Variants in ARIH2 observed in about 807,000 individuals in gnomAD.
ARIH2 encodes ariadne RBR E3 ubiquitin protein ligase 2.
ARIH2 carries 12 observed loss-of-function variants against 79.8 expected under a neutral mutation model. That is an observed-to-expected ratio of 0.15 (90% CI 0.10 to 0.24). The LOEUF (loss-of-function observed/expected upper bound fraction) is 0.24, where lower values mean the gene tolerates loss of function less well. Ranked by LOEUF, ARIH2 falls within the 10% of genes least tolerant of loss-of-function variation. ARIH2 has a pLI of 1.00. For synonymous variants in ARIH2, 224 were observed against 213.9 expected (o/e 1.05, Z -0.41); for missense variants, 301 against 618.3 (o/e 0.49, Z 5.44).
In ARIH2 at chr3:48,984,656, C is replaced by T. The variant is rs1235868003; in HGVS notation, c.*1386C>T. 1 of 152,172 alleles carries T rather than the reference C, an allele frequency of 6.6e-6. No homozygotes were observed. Among genetic ancestry groups the T allele is most frequent in the Non-Finnish European group, 1.5e-5 (1 of 68,054 alleles). 9.4% of individuals were successfully genotyped at this position (152,172 alleles called of 1,614,324 possible). A position where few individuals can be genotyped will look rare whatever the true frequency, so the allele number is the denominator to read the frequency against. On this transcript the variant is annotated 3_prime_UTR_variant, in exon 16 of 16. Transcript: ENST00000356401. Reference sequence around the variant, plus strand: ...GTTTTTGTGGCTTTGTTCAATGCTTCCACTCTAGGGCAGGCAGAGCAGTCT... The same window carrying T: ...GTTTTTGTGGCTTTGTTCAATGCTTTCACTCTAGGGCAGGCAGAGCAGTCT...
intron 7 of ARIH2, among the ~76,000 whole-genome samples, 184 bp downstream of exon 7, chr3:48,968,839 T>G (rs1559832468): frequency 6.6e-6 from 1 of 152,208 alleles, no homozygotes; most frequent in African/African-American, 2.4e-5. Context: ...GGCCTTAGAA[T>G]CAGACACACC....
At chr3:48,971,391 T>A (rs976799096) in intron 8 of ARIH2, among the ~76,000 whole-genome samples, 1 of 152,132 alleles carries the variant, frequency 6.6e-6, no homozygotes, top group Non-Finnish European at 1.5e-5. Flanking sequence ...ACTACAGGCA[T>A]GTGCCACCAT....
rs1329577081 is a variant in ARIH2 at position 48,984,206 on chromosome 3, C to G, written c.*936C>G. 6.6e-6 allele frequency: 1 copy of G among 152,648 alleles called. No homozygotes were observed. The highest frequency in any genetic ancestry group is 2.4e-5 in the African/African-American group (1 of 41,436). The allele number at this position is 152,648 out of a possible 1,614,324, so 9.5% of individuals were successfully genotyped here. A position where few individuals can be genotyped will look rare whatever the true frequency, so the allele number is the denominator to read the frequency against. On this transcript the variant is annotated 3_prime_UTR_variant, in exon 16 of 16. Transcript: ENST00000356401. ...TTGTGCCAGTATTCAAGTGGTATAG[C>G]TCTGAGCAGGGTCACATTTGGCCAA...
In ARIH2 at chr3:48,974,986, T is replaced by C; in HGVS notation, c.961+7T>C. Reference sequence around the variant, plus strand: ...TGCTCCAAATGTAAACACGGTGAGTTCCAAGCTTGGTGTGTAAGGCCCAGT... The same window carrying C: ...TGCTCCAAATGTAAACACGGTGAGTCCCAAGCTTGGTGTGTAAGGCCCAGT... On this transcript the variant is annotated splice_region_variant and intron_variant, in intron 11 of 15. Coordinates refer to ENST00000356401, the MANE Select transcript of ARIH2 (RefSeq NM_006321.4). 6.2e-7 allele frequency: 1 copy of C among 1,614,228 alleles called. No homozygotes were observed.
rs780747982 is a variant in ARIH2 at position 48,967,236 on chromosome 3, C to A, written c.499C>A (p.Gln167Lys). The A allele has an allele frequency of 1.2e-6, 2 of 1,614,102 alleles. No individual in the cohort carries two copies. ...QHQFCRSCWE[Q>K]HCSVLVKDGV... ...CCAGTTTTGCCGCAGCTGCTGGGAG[C>A]AGCACTGCTCAGTTCTCGTCAAGGA... The change falls in exon 6 of 16, where the codon CAG becomes AAG. Residue 167 changes from glutamine (Q) to lysine (K), a missense_variant. Physicochemically the swap from Gln to Lys is moderately conservative, Grantham distance 53. Around this residue, in one of 2 missense-constraint regions of ARIH2, gnomAD observed 223 missense variants for 349.4 expected, o/e 0.64. Transcript: ENST00000356401.
chr3:48,981,472 GTTGT>G (rs1476427259), intron 13 of ARIH2, among the ~76,000 whole-genome samples, 184 bp from the exon 14 acceptor site: 1 of 152,110 alleles, frequency 6.6e-6, no homozygotes, highest in Non-Finnish European at 1.5e-5. Flanking sequence ...TGTGACCATC[GTTGT>G]TTGTTTTTTC....
At chr3:48,962,129 C>T (rs572838181) in intron 4 of ARIH2, among the ~76,000 whole-genome samples, 1 of 152,170 alleles carries the variant, frequency 6.6e-6, no homozygotes, top group Admixed American at 6.5e-5. Context: ...GTAATCTCAG[C>T]ACTTTGGGAG....
At chr3:48,943,623 T>C (rs1221312660) in intron 3 of ARIH2, 2 of 152,208 alleles carry the variant, frequency 1.3e-5, no homozygotes, top group African/African-American at 2.4e-5. Flanking sequence ...CCTGTTTATA[T>C]AGTTTTATAT....
intron 3 of ARIH2, chr3:48,943,275 T>G (rs953018640): frequency 4.6e-5 from 7 of 152,176 alleles, no homozygotes; most frequent in African/African-American, 1.7e-4. Flanking sequence ...TATACTTGAT[T>G]TTAACCTCCT....
chr3:48,927,755 A>G lies in ARIH2; in HGVS notation c.197A>G (p.Tyr66Cys), dbSNP rs772714830. The G allele has an allele frequency of 3.7e-6, 6 of 1,614,226 alleles. No homozygotes were observed. The highest frequency in any genetic ancestry group is 5.1e-6 in the Non-Finnish European group (6 of 1,180,040). Residue 66 changes from tyrosine (Y) to cysteine (C), a missense_variant, in exon 3 of 16, where the codon TAC becomes TGC. Physicochemically the swap from Tyr to Cys is radical, Grantham distance 194. Transcript: ENST00000356401. ...GAGTACCAGTTCACTTGCTTGACCTACAAGGAATCTGAGGGTGCCCTCAAT... is the reference window on the plus strand; with the variant it reads ...GAGTACCAGTTCACTTGCTTGACCTGCAAGGAATCTGAGGGTGCCCTCAAT... ...PEEYQFTCLT[Y>C]KESEGALNEH...
chr3:48,933,883 T>G (rs1389944678), intron 3 of ARIH2, among the ~76,000 whole-genome samples: 1 of 152,172 alleles, frequency 6.6e-6, no homozygotes, highest in Non-Finnish European at 1.5e-5. Context: ...GTTCCCCAGA[T>G]AGGATTGGAG....
rs2092423452 is a variant in ARIH2, at chr3:48,974,963, C to T, written c.945C>T (p.Cys315=). Residue 315 remains cysteine (C), a synonymous_variant, in exon 11 of 16, where the codon TGC becomes TGT. Transcript: ENST00000356401. ...EKNGGCNHMQ[C]SKCKHDFCWM... is the part of the protein sequence containing the mutation. ...CTTCTGTTTCCCTCTGACAGCAATG[C>T]TCCAAATGTAAACACGGTGAGTTCC... The T allele has an allele frequency of 4.3e-6, 7 of 1,614,232 alleles. No individual in the cohort carries two copies. In the East Asian group the frequency reaches 6.7e-5, roughly 15 times the overall value.
intron 6 of ARIH2, among the ~76,000 whole-genome samples, chr3:48,967,894 C>G (rs1173876481): frequency 6.6e-6 from 1 of 152,180 alleles, no homozygotes; most frequent in Non-Finnish European, 1.5e-5. Flanking sequence ...ATGCTAATTT[C>G]TCTCTTCTCT....
intron 3 of ARIH2, among the ~76,000 whole-genome samples, chr3:48,952,678 T>C (rs2090109703): frequency 6.6e-6 from 1 of 151,912 alleles, no homozygotes; most frequent in African/African-American, 2.4e-5. Context: ...CAGTCCTACC[T>C]TGAGAGGAGT....
intron 13 of ARIH2, among the ~76,000 whole-genome samples, chr3:48,981,087 C>T (rs1398323977): frequency 1.4e-5 from 2 of 144,550 alleles, no homozygotes; most frequent in African/African-American, 5.2e-5. Context: ...CCCAGCACTT[C>T]GGAAGGCCAA....
chr3:48,923,273 T>C (rs2085079332), intron 2 of ARIH2, among the ~76,000 whole-genome samples: 1 of 151,552 alleles, frequency 6.6e-6, no homozygotes, highest in African/African-American at 2.4e-5. Flanking sequence ...TTGTGGCATG[T>C]GCTTGTAATC....
rs2092353498 is a variant in ARIH2, at chr3:48,973,536, C to CACTACACTCCA, written c.771-162_771-152dup. The CACTACACTCCA allele has an allele frequency of 7.8e-6, 4 of 511,604 alleles. No individual in the cohort carries two copies. In the South Asian group the frequency reaches 8.7e-5, roughly 11 times the overall value. The allele number at this position is 511,604 out of a possible 1,614,324, so 31.7% of individuals were successfully genotyped here. On this transcript the variant is annotated intron_variant, in intron 8 of 15. Transcript: ENST00000356401. ...AGCTTGCAGTGAACCGAGATCACGC[C>CACTACACTCCA]ACTACACTCCAGCCTGGCGACAGAG...
chr3:48,965,931 C>T (rs2091754019), intron 5 of ARIH2, among the ~76,000 whole-genome samples: 3 of 150,804 alleles, frequency 2.0e-5, no homozygotes, highest in South Asian at 2.1e-4. Context: ...CCTGCATGCA[C>T]TCCAGCCTGG....
intron 3 of ARIH2, 96 bp downstream of exon 3, chr3:48,927,909 C>G: frequency 6.8e-7 from 1 of 1,467,954 alleles, no homozygotes; most frequent in Non-Finnish European, 9.2e-7. Flanking sequence ...ATTGAATGGC[C>G]TTGTAGCTTG....
Sources: gnomAD v4.1 joint callset for allele counts (sites outside exome capture counted in the v4.1 genomes callset) on GRCh38, gnomAD v4.1.1 for gene constraint, gnomAD v4.1.1 regional missense constraint, MANE v1.5 for transcripts, NCBI Gene and HGNC (gene_info 2026-07-23, HGNC 2026-07-21) for gene names.